Variants in ZYG11A observed in about 807,000 individuals in gnomAD.
The protein encoded by ZYG11A is protein zyg-11 homolog A.
Under a neutral mutation model 77.2 loss-of-function variants are expected in ZYG11A, and 62 were observed. That is an observed-to-expected ratio of 0.80 (90% CI 0.65 to 0.99). The LOEUF (loss-of-function observed/expected upper bound fraction) is 0.99, where lower values mean the gene tolerates loss of function less well. ZYG11A is among the 50% of genes least tolerant of loss of function. The probability of loss-of-function intolerance (pLI) is 0.00; values close to 1 mark genes in which losing one functional copy is unlikely to be tolerated. For missense variants in ZYG11A, 828 were observed against 896.8 expected, an observed-to-expected ratio of 0.92 and a Z score of 0.98; for synonymous variants, 315 against 324.6, an observed-to-expected ratio of 0.97 and a Z score of 0.32.
Position 52,857,417 on chromosome 1 carries a change from T to C in ZYG11A, c.676T>C (p.Cys226Arg). The change falls in exon 3 of 14, where the codon TGT (cysteine) becomes CGT (arginine). Residue 226 changes from cysteine to arginine, a missense_variant. Physicochemically the swap from Cys to Arg is radical, Grantham distance 180. Coordinates refer to ENST00000371528, the MANE Select transcript of ZYG11A (RefSeq NM_001004339.3). ...CACTGATATTTCTGCACTGCTTACC[T>C]GTAAGGATCGATTGAAGTCTCTCAC... ...LVTDISALLT[C>R]KDRLKSLTMH... is the part of the protein sequence containing the mutation. 12 of 1,551,996 alleles carry C rather than the reference T, an allele frequency of 7.7e-6. No homozygotes were observed. The highest frequency in any genetic ancestry group is 9.6e-6 in the Non-Finnish European group (11 of 1,147,050).
chr1:52,886,290 CAGTT>C (rs1646449591), intron 12 of ZYG11A, among the ~76,000 whole-genome samples: 2 of 152,212 alleles, frequency 1.3e-5, no homozygotes, highest in Admixed American at 6.5e-5. Context: ...GTGTTAGAGT[CAGTT>C]AGCCTTATGT....
rs1571818831 is a variant in ZYG11A at position 52,842,778 on chromosome 1, G to T, written c.-106G>T. ...GCGCGGCGCTAGCTCCGTGTGCCTC[G>T]CAGGCGTGGTGGGCGCGTCCTGGCA... On this transcript the variant is annotated 5_prime_UTR_variant, in exon 1 of 14. Transcript: ENST00000371528. 9.2e-7 allele frequency: 1 copy of T among 1,088,950 alleles called. No homozygotes were observed. Among genetic ancestry groups the T allele is most frequent in the South Asian group, 1.4e-5 (1 of 69,318 alleles). 67.5% of individuals were successfully genotyped at this position (1,088,950 alleles called of 1,614,324 possible). A position where few individuals can be genotyped will look rare whatever the true frequency, so the allele number is the denominator to read the frequency against.
intron 6 of ZYG11A, among the ~76,000 whole-genome samples, chr1:52,867,174 T>C (rs1254480507): frequency 6.6e-6 from 1 of 152,202 alleles, no homozygotes; most frequent in Non-Finnish European, 1.5e-5. Flanking sequence ...ACTTTGTAAC[T>C]GAGTGATGTT....
Position 52,859,752 on chromosome 1 carries a change from A to C in ZYG11A, c.1009-979A>C, listed in dbSNP as rs1289688759. On this transcript the variant is annotated intron_variant, in intron 3 of 13. Transcript: ENST00000371528. The stretch of plus-strand genomic sequence containing the variant: ...GAGTGCAGTGGTGTGATCTCGGCTC[A>C]CTGCAACCTCTGCCTCCCGGGTTCA... Among the ~76,000 whole-genome samples the C allele has an allele frequency of 8.1e-5, 10 of 122,834 alleles. No homozygotes were observed. In the East Asian group the frequency reaches 2.1e-3, roughly 26 times the overall value. The allele number at this position is 122,834 out of a possible 152,430, so 80.6% of individuals were successfully genotyped here.
At chr1:52,878,652 A>C (rs1435255005) in intron 10 of ZYG11A, among the ~76,000 whole-genome samples, 1 of 152,030 alleles carries the variant, frequency 6.6e-6, no homozygotes, top group African/African-American at 2.4e-5. Context: ...TTAGAACTCA[A>C]ACTCGGCCAG....
chr1:52,874,588 C>A (rs539540117), intron 8 of ZYG11A, among the ~76,000 whole-genome samples: 1 of 152,102 alleles, frequency 6.6e-6, no homozygotes, highest in African/African-American at 2.4e-5. Context: ...TACATTGGGC[C>A]GGGTGTGGTG....
At chr1:52,858,204 C>T (rs1436182227) in intron 3 of ZYG11A, among the ~76,000 whole-genome samples, 2 of 149,144 alleles carry the variant, frequency 1.3e-5, no homozygotes, top group Non-Finnish European at 3.0e-5. Context: ...CGAGACCAGC[C>T]TGGCCAACAT....
chr1:52,848,956 T>G (rs972547370), intron 1 of ZYG11A, among the ~76,000 whole-genome samples: 4 of 152,166 alleles, frequency 2.6e-5, no homozygotes, highest in Admixed American at 1.3e-4. Context: ...TTAACTATAT[T>G]TCAATATAGT....
In ZYG11A at chr1:52,874,638, AG is replaced by A. The variant is rs142120589; in HGVS notation, c.1543-3042del. ...TCCCAGCAACTTAGAAGGCTGAGGC[AG>A]GCGGATCATGTGAGGTTAGGAGTTT... On this transcript the variant is annotated intron_variant, in intron 8 of 13. Transcript: ENST00000371528. 1.7e-3 allele frequency among the ~76,000 whole-genome samples: 262 copies of A among 152,286 alleles called. 1 individual carries two copies. The highest frequency in any genetic ancestry group is 3.2e-3 in the Non-Finnish European group (218 of 68,028).
At position 52,871,544 on chromosome 1, in the gene ZYG11A, G is replaced by A. The variant is rs1232855300; in HGVS notation, c.1542+3767G>A. On this transcript the variant is annotated intron_variant, in intron 8 of 13. Coordinates refer to ENST00000371528, the MANE Select transcript of ZYG11A (RefSeq NM_001004339.3). ...CAGAGTCCCACTCTGTCACCAGGCT[G>A]GAAGTGCACTGGCGCCATCTCGGCT... 2.0e-5 allele frequency among the ~76,000 whole-genome samples: 3 copies of A among 149,960 alleles called. No individual in the cohort carries two copies. The East Asian group carries it at 5.9e-4, about 29-fold the overall frequency.
chr1:52,857,406 C>T lies in ZYG11A; in HGVS notation c.665C>T (p.Ala222Val), dbSNP rs985272405. Residue 222 changes from alanine to valine, a missense_variant, in exon 3 of 14, where the codon GCA becomes GTA. Coordinates refer to ENST00000371528, the MANE Select transcript of ZYG11A (RefSeq NM_001004339.3). ...AATACTCTAGTCACTGATATTTCTG[C>T]ACTGCTTACCTGTAAGGATCGATTG... Reference protein sequence around the residue: ...ISNTLVTDISALLTCKDRLKS... With the variant: ...ISNTLVTDISVLLTCKDRLKS... 10 of 1,551,714 alleles carry T rather than the reference C, an allele frequency of 6.4e-6. No individual in the cohort carries two copies. The highest frequency in any genetic ancestry group is 3.3e-4 in the Middle Eastern group (2 of 6,016).
At chr1:52,863,591 T>C (rs1645968523) in intron 4 of ZYG11A, among the ~76,000 whole-genome samples, 1 of 152,228 alleles carries the variant, frequency 6.6e-6, no homozygotes. Flanking sequence ...TTCAATTTTA[T>C]TTTTTGGCAT....
In ZYG11A at chr1:52,885,860, T is replaced by G; in HGVS notation, c.1972T>G (p.Ser658Ala). The G allele has an allele frequency of 6.5e-7, 1 of 1,549,230 alleles. No individual in the cohort carries two copies. The highest frequency in any genetic ancestry group is 2.4e-5 in the East Asian group (1 of 40,906). Residue 658 changes from serine to alanine, a missense_variant, in exon 12 of 14, where the codon TCA (serine) becomes GCA (alanine). Ser to Ala is a moderately conservative substitution (Grantham distance 99). Transcript: ENST00000371528. ...TGCAACCATACAGAATTGGCCAAGT[T>G]CAAGTTGTAAGATGACAGCATTGGT... ...LHATIQNWPSSSCKMTALVTY... is the reference protein window; with the variant it reads ...LHATIQNWPSASCKMTALVTY...
At chr1:52,872,894 AAAAAAGAAAAG>A (rs1376886262) in intron 8 of ZYG11A, among the ~76,000 whole-genome samples, 1,457 of 116,588 alleles carry the variant, frequency 0.012, 30 homozygotes, top group African/African-American at 0.042. Flanking sequence ...AAAAAAAAAA[AAAAAAGAAAAG>A]AAAAGAAAGA....
Position 52,857,748 on chromosome 1 carries a change from G to A in ZYG11A, c.1007G>A (p.Arg336Lys), listed in dbSNP as rs1645843267. 6.5e-7 allele frequency: 1 copy of A among 1,539,420 alleles called. No individual in the cohort carries two copies. The highest frequency in any genetic ancestry group is 8.8e-7 in the Non-Finnish European group (1 of 1,141,942). Residue 336 changes from arginine to lysine, a missense_variant and splice_region_variant, in exon 3 of 14, where the codon AGG becomes AAG. Physicochemically the swap from Arg to Lys is conservative, Grantham distance 26. Coordinates refer to ENST00000371528, the MANE Select transcript of ZYG11A (RefSeq NM_001004339.3). Reference protein sequence around the residue: ...SDFFTTKQGLRVAGGASMSQI... With the variant: ...SDFFTTKQGLKVAGGASMSQI... ...TTCTTTACTACAAAGCAAGGCTTGA[G>A]GGTTTGTTCTTATCTGAATAAGTTT... is the stretch of plus-strand genomic sequence containing the variant.
At chr1:52,843,029 C>G in intron 1 of ZYG11A, 56 bp downstream of exon 1, 1 of 1,419,916 alleles carries the variant, frequency 7.0e-7, no homozygotes, top group African/African-American at 1.5e-5. Context: ...CCAGCTCCGG[C>G]GAGCGCGGCG....
intron 8 of ZYG11A, among the ~76,000 whole-genome samples, chr1:52,869,206 T>C (rs1646088340): frequency 7.1e-6 from 1 of 141,218 alleles, no homozygotes; most frequent in Admixed American, 7.2e-5. Flanking sequence ...TTTTCTACTT[T>C]ATAGGATTTT....
chr1:52,857,635 CA>C lies in ZYG11A; in HGVS notation c.895del (p.Thr299LeufsTer5). 6.4e-7 allele frequency: 1 copy of C among 1,552,080 alleles called. No homozygotes were observed. The highest frequency in any genetic ancestry group is 8.7e-7 in the Non-Finnish European group (1 of 1,147,062). On this transcript the variant is annotated frameshift_variant, in exon 3 of 14. Coordinates refer to ENST00000371528, the MANE Select transcript of ZYG11A (RefSeq NM_001004339.3). LOFTEE classifies it high-confidence loss of function. ...TGGATATTTCTGGGGGCAATTGCAT[CA>C]CTGATGAAGCTGTAGAACTGTTTAT... The part of the protein sequence containing the change: ...SLDISGGNCI[T>X]DEAVELFIRL...
In ZYG11A at chr1:52,877,670, T is replaced by G; in HGVS notation, c.1543-12T>G. 2 of 1,543,888 alleles carry G rather than the reference T, an allele frequency of 1.3e-6. No individual in the cohort carries two copies. Among genetic ancestry groups the G allele is most frequent in the South Asian group, 1.2e-5 (1 of 82,328 alleles). On this transcript the variant is annotated splice_polypyrimidine_tract_variant and intron_variant, in intron 8 of 13. Transcript: ENST00000371528. ...GAGCATCTAACTCCCTCCCTGTCTCTTTGGTTTTTAGGAACTTCTAGCAAT... is the reference window on the plus strand; with the variant it reads ...GAGCATCTAACTCCCTCCCTGTCTCGTTGGTTTTTAGGAACTTCTAGCAAT...
Sources: gnomAD v4.1 joint callset for allele counts (sites outside exome capture counted in the v4.1 genomes callset) on GRCh38, gnomAD v4.1.1 for gene constraint, MANE v1.5 for transcripts, NCBI Gene and HGNC (gene_info 2026-07-23, HGNC 2026-07-21) for gene names.